The following ARIH2 variants were observed in gnomAD, a reference collection of about 807,000 sequenced individuals.
The protein encoded by ARIH2 is E3 ubiquitin-protein ligase ARIH2.
ARIH2 carries 12 observed loss-of-function variants against 79.8 expected under a neutral mutation model. That is an observed-to-expected ratio of 0.15 (90% CI 0.10 to 0.24). ARIH2 has a LOEUF of 0.24. Ranked by LOEUF, ARIH2 falls within the 10% of genes least tolerant of loss-of-function variation. The pLI is 1.00. For missense variants in ARIH2, 301 were observed against 618.3 expected (o/e 0.49, Z 5.44); for synonymous variants, 224 against 213.9 (o/e 1.05, Z -0.41).
At chr3:48,952,889 A>G (rs182892138) in intron 3 of ARIH2, among the ~76,000 whole-genome samples, 169 of 152,294 alleles carry the variant, frequency 1.1e-3, no homozygotes, top group Admixed American at 3.6e-3. Flanking sequence ...ATTGCCTGGT[A>G]TATGTGCATA....
intron 3 of ARIH2, among the ~76,000 whole-genome samples, chr3:48,941,396 A>G (rs2088193241): frequency 6.6e-6 from 1 of 152,144 alleles, no homozygotes; most frequent in East Asian, 1.9e-4. Flanking sequence ...AGTAAGTTAC[A>G]TGTCATAGAG....
chr3:48,980,606 C>T, intron 13 of ARIH2, 110 bp downstream of exon 13: 2 of 1,279,546 alleles, frequency 1.6e-6, no homozygotes, highest in Non-Finnish European at 2.2e-6. Context: ...GCACCCTGTG[C>T]AGCCTTTCAT....
At position 48,951,248 on chromosome 3, in the gene ARIH2, G is replaced by A. The variant is rs151110051; in HGVS notation, c.256-10364G>A. Among the ~76,000 whole-genome samples, 5 of 152,234 alleles carry A rather than the reference G, an allele frequency of 3.3e-5. No individual in the cohort carries two copies. The East Asian group carries it at 7.7e-4, about 23-fold the overall frequency. On this transcript the variant is annotated intron_variant, in intron 3 of 15. Transcript: ENST00000356401. ...GAAAGTGCTGGGATTACAAGCGTGA[G>A]CCAGTGTACCAGGCCAACTTTGTAT...
intron 6 of ARIH2, 41 bp downstream of exon 6, chr3:48,967,316 G>GT (rs2091870314): frequency 2.5e-6 from 4 of 1,592,540 alleles, no homozygotes; most frequent in Non-Finnish European, 3.4e-6. Context: ...GGCATGAAGT[G>GT]TTTATCTTTG....
intron 14 of ARIH2, 55 bp from the exon 15 acceptor site, chr3:48,982,841 C>A: frequency 1.4e-6 from 2 of 1,399,380 alleles, no homozygotes; most frequent in Non-Finnish European, 2.0e-6. Context: ...CGTGTACAGG[C>A]CCTGCCCCAG....
rs186076249 is a variant in ARIH2 at position 48,926,479 on chromosome 3, A to G, written c.-97-983A>G. 4.2e-3 allele frequency among the ~76,000 whole-genome samples: 637 copies of G among 151,790 alleles called. 3 individuals carry two copies. Among genetic ancestry groups the G allele is most frequent in the Middle Eastern group, 0.024 (7 of 292 alleles). On this transcript the variant is annotated intron_variant, in intron 2 of 15. Transcript: ENST00000356401. Reference sequence around the variant, plus strand: ...GAGACAGGGTTTCACCATATTAGCCAGGCTGGTCTCGAACTCCTGACCTCA... The same window carrying G: ...GAGACAGGGTTTCACCATATTAGCCGGGCTGGTCTCGAACTCCTGACCTCA...
Position 48,918,851 on chromosome 3 carries a change from G to A in ARIH2, c.-309G>A. On this transcript the variant is annotated 5_prime_UTR_variant, in exon 1 of 16. Coordinates refer to ENST00000356401, the MANE Select transcript of ARIH2 (RefSeq NM_006321.4). Reference sequence around the variant, plus strand: ...GGCGCCAAGCACTTCCGGAGCTGTGGGGACGACTCTTCTGGAGGAAGCAGC... The same window carrying A: ...GGCGCCAAGCACTTCCGGAGCTGTGAGGACGACTCTTCTGGAGGAAGCAGC... 1 of 1,611,216 alleles carries A rather than the reference G, an allele frequency of 6.2e-7. No homozygotes were observed. Among genetic ancestry groups the A allele is most frequent in the Non-Finnish European group, 8.5e-7 (1 of 1,179,686 alleles).
chr3:48,942,563 C>T (rs575943609), intron 3 of ARIH2, among the ~76,000 whole-genome samples: 1 of 151,504 alleles, frequency 6.6e-6, no homozygotes, highest in Non-Finnish European at 1.5e-5. Flanking sequence ...AGTGCAACCT[C>T]CGCCTCCCCG....
At chr3:48,937,269 G>A (rs1006097233) in intron 3 of ARIH2, among the ~76,000 whole-genome samples, 1 of 152,164 alleles carries the variant, frequency 6.6e-6, no homozygotes, top group Non-Finnish European at 1.5e-5. Context: ...CCAGGAGTCT[G>A]TAGATAACCT....
chr3:48,934,797 C>A, intron 3 of ARIH2: 1 of 985,378 alleles, frequency 1.0e-6, no homozygotes, highest in Non-Finnish European at 1.2e-6. Context: ...TTATTGTCAT[C>A]GCTGTGTACC....
chr3:48,979,473 T>TC lies in ARIH2; in HGVS notation c.962-8dup. 6.2e-7 allele frequency: 1 copy of TC among 1,613,782 alleles called. No individual in the cohort carries two copies. Among genetic ancestry groups the TC allele is most frequent in the Non-Finnish European group, 8.5e-7 (1 of 1,179,774 alleles). ...TAGATGTAAATGACTCTTCCTCTGT[T>TC]CTGCACAGACTTCTGCTGGATGTGT... On this transcript the variant is annotated splice_polypyrimidine_tract_variant and intron_variant, in intron 11 of 15. Transcript: ENST00000356401.
rs1314175806 is a variant in ARIH2, at chr3:48,974,934, T to A, written c.940-24T>A. ...CTTTGGTCAGTGTGCCCTTAACGTG[T>A]TTTCTTCTGTTTCCCTCTGACAGCA... On this transcript the variant is annotated intron_variant, in intron 10 of 15. Transcript: ENST00000356401. 8 of 1,614,008 alleles carry A rather than the reference T, an allele frequency of 5.0e-6. No homozygotes were observed. In the East Asian group the frequency reaches 1.8e-4, roughly 36 times the overall value.
In ARIH2 at chr3:48,922,168, G is replaced by A. The variant is rs146597852; in HGVS notation, c.-161-580G>A. Among the ~76,000 whole-genome samples the A allele has an allele frequency of 3.1e-3, 466 of 152,178 alleles. 2 individuals are homozygous for A. The highest frequency in any genetic ancestry group is 0.011 in the African/African-American group (454 of 41,522). On this transcript the variant is annotated intron_variant, in intron 1 of 15. Coordinates refer to ENST00000356401, the MANE Select transcript of ARIH2 (RefSeq NM_006321.4). ...AGCTGGGTGAGGTGGAGGTTACAGTGAGCTGAGATGGCAACACTGCACTCC... is the reference window on the plus strand; with the variant it reads ...AGCTGGGTGAGGTGGAGGTTACAGTAAGCTGAGATGGCAACACTGCACTCC...
intron 3 of ARIH2, chr3:48,934,296 G>A (rs1482019687): frequency 2.7e-6 from 2 of 740,066 alleles, no homozygotes; most frequent in African/African-American, 1.9e-5. Flanking sequence ...ATAATGCCAA[G>A]TTAAAAGATA....
At chr3:48,939,188 G>C (rs1363624010) in intron 3 of ARIH2, among the ~76,000 whole-genome samples, 1 of 152,032 alleles carries the variant, frequency 6.6e-6, no homozygotes, top group Non-Finnish European at 1.5e-5. Context: ...GGCTGGTCTT[G>C]AACTCCAGAC....
At chr3:48,938,487 C>T (rs145181315) in intron 3 of ARIH2, among the ~76,000 whole-genome samples, 3 of 151,838 alleles carry the variant, frequency 2.0e-5, no homozygotes, top group African/African-American at 7.2e-5. Context: ...CATGAAGAAA[C>T]CCAAAGGGGA....
At position 48,970,985 on chromosome 3, in the gene ARIH2, T is replaced by C. The variant is rs2092193706; in HGVS notation, c.770+281T>C. On this transcript the variant is annotated intron_variant, in intron 8 of 15. Transcript: ENST00000356401. ...TGGCCCAGAGATTGTGTGGGATGTA[T>C]CTGCCTGCATAGCTAATCACATATT... The C allele has an allele frequency of 8.2e-5, 26 of 318,656 alleles. 1 individual carries two copies. In the South Asian group the frequency reaches 1.1e-3, roughly 14 times the overall value. The allele number at this position is 318,656 out of a possible 1,614,324, so 19.7% of individuals were successfully genotyped here.
chr3:48,955,951 C>T (rs2090521028), intron 3 of ARIH2, among the ~76,000 whole-genome samples: 1 of 152,174 alleles, frequency 6.6e-6, no homozygotes, highest in South Asian at 2.1e-4. Flanking sequence ...TGCTTTTGCT[C>T]AGAGGACTCT....
chr3:48,926,780 C>T (rs2085679328), intron 2 of ARIH2: 1 of 152,214 alleles, frequency 6.6e-6, no homozygotes, highest in African/African-American at 2.4e-5. Context: ...GAACTCCTGA[C>T]CTCAAGTGAT....
Sources: allele counts gnomAD v4.1 joint callset (sites outside exome capture counted in the v4.1 genomes callset), GRCh38; gene constraint gnomAD v4.1.1; transcripts MANE v1.5; gene names NCBI Gene and HGNC (gene_info 2026-07-23, HGNC 2026-07-21).